CUEDC1: variants seen among roughly 807,000 people sequenced by gnomAD.
CUEDC1 encodes the protein CUE domain containing 1.
A neutral mutation model predicts 43.7 loss-of-function variants in CUEDC1; 30 were observed. That is an observed-to-expected ratio of 0.69 (90% confidence interval 0.51 to 0.93). CUEDC1 has a LOEUF of 0.93. Ranked by LOEUF, CUEDC1 falls within the 40% of genes least tolerant of loss-of-function variation. The pLI, the probability that CUEDC1 is intolerant of heterozygous loss-of-function variation, is 0.00. For synonymous variants in CUEDC1, 223 were observed against 223.6 expected, an observed-to-expected ratio of 1.00 and a Z score of 0.02; for missense variants, 486 against 549.0, an observed-to-expected ratio of 0.89 and a Z score of 1.15.
chr17:57,892,636 G>C (rs191324679), intron 1 of CUEDC1: 1 of 152,466 alleles, frequency 6.6e-6, no homozygotes, highest in Admixed American at 6.5e-5. Context: ...CAGCCCAGTG[G>C]CGCTGCCAAG....
intron 2 of CUEDC1, among the ~76,000 whole-genome samples, chr17:57,881,484 G>A (rs1385725181): frequency 6.6e-6 from 1 of 152,194 alleles, no homozygotes; most frequent in African/African-American, 2.4e-5. Flanking sequence ...GCAGGTACCT[G>A]GTGCATTCTG....
Position 57,866,493 on chromosome 17 carries a change from A to G in CUEDC1, c.1145T>C (p.Leu382Pro). Residue 382 changes from leucine (L) to proline (P), a missense_variant, in exon 10 of 11, where the codon CTG becomes CCG. Transcript: ENST00000577830. ...CCTTACCTCTTACTGTCCTTCTCGC[A>G]GGCCTTCCTCCACCTTGGGTGCCTC... is the stretch of plus-strand genomic sequence containing the variant. ...RQEAPKVEEG[L>P]REGQ 1.9e-6 allele frequency: 3 copies of G among 1,614,164 alleles called. No individual in the cohort carries two copies. Among genetic ancestry groups the G allele is most frequent in the Non-Finnish European group, 2.5e-6 (3 of 1,180,022 alleles).
chr17:57,890,276 G>A (rs982226785), intron 1 of CUEDC1, among the ~76,000 whole-genome samples: 1 of 152,180 alleles, frequency 6.6e-6, no homozygotes, highest in Admixed American at 6.5e-5. Flanking sequence ...CAGGAGACTG[G>A]GCACAGCCCA....
At chr17:57,926,857 T>C (rs566633329) in intron 1 of CUEDC1, among the ~76,000 whole-genome samples, 2 of 152,036 alleles carry the variant, frequency 1.3e-5, no homozygotes, top group African/African-American at 4.8e-5. Flanking sequence ...ACATAGGAAA[T>C]GGGGCTCAGC....
At chr17:57,934,549 C>T (rs1282068584) in intron 1 of CUEDC1, among the ~76,000 whole-genome samples, 11 of 129,340 alleles carry the variant, frequency 8.5e-5, no homozygotes, top group Admixed American at 1.6e-4. Flanking sequence ...ATAGCAAGAC[C>T]CTGTCTCTCT....
chr17:57,954,971 G>T lies in CUEDC1; in HGVS notation c.-316+254C>A, dbSNP rs1242159012. 6.6e-6 allele frequency among the ~76,000 whole-genome samples: 1 copy of T among 151,666 alleles called. No individual in the cohort carries two copies. The highest frequency in any genetic ancestry group is 1.5e-5 in the Non-Finnish European group (1 of 67,834). On this transcript the variant is annotated intron_variant, in intron 1 of 10. Coordinates refer to ENST00000577830, the MANE Select transcript of CUEDC1 (RefSeq NM_001271875.2). This position sits in a 1 kb window ranked among gnomAD's most constrained non-coding sequence, Gnocchi z 4.3. ...AGATGCCCGCACGCCCCCCGCGCCC[G>T]GGGCCCGGGATGAGGTGGGGGCTCG...
At chr17:57,946,388 A>G (rs1035179136) in intron 1 of CUEDC1, among the ~76,000 whole-genome samples, 1 of 152,190 alleles carries the variant, frequency 6.6e-6, no homozygotes, top group African/African-American at 2.4e-5. Context: ...AGAACCAGTC[A>G]GGGGAGGAAA....
intron 1 of CUEDC1, among the ~76,000 whole-genome samples, chr17:57,915,780 A>C (rs908214357): frequency 5.3e-5 from 8 of 152,158 alleles, no homozygotes; most frequent in African/African-American, 1.9e-4. Context: ...AAGGCTCCCT[A>C]ATAGGTTGTT....
At chr17:57,919,316 A>G (rs1296568360) in intron 1 of CUEDC1, among the ~76,000 whole-genome samples, 2 of 151,888 alleles carry the variant, frequency 1.3e-5, no homozygotes, top group Non-Finnish European at 2.9e-5. Flanking sequence ...AGTAGCTGGG[A>G]TTACAGGCAG....
chr17:57,896,409 C>T (rs1004052401), intron 1 of CUEDC1, among the ~76,000 whole-genome samples: 3 of 151,208 alleles, frequency 2.0e-5, no homozygotes, highest in African/African-American at 7.3e-5. Flanking sequence ...TTCAATATGT[C>T]TCTTTAGCCC....
intron 1 of CUEDC1, among the ~76,000 whole-genome samples, chr17:57,952,352 G>A (rs1415111062): frequency 1.3e-5 from 2 of 151,822 alleles, no homozygotes; most frequent in African/African-American, 4.8e-5. Flanking sequence ...TCAGTCTCCT[G>A]AGTAGCTGGG....
chr17:57,912,247 G>A (rs1277085841), intron 1 of CUEDC1: 2 of 152,230 alleles, frequency 1.3e-5, no homozygotes, highest in Non-Finnish European at 2.9e-5. Flanking sequence ...GTGAGGATTT[G>A]GCTGCCGGTC....
chr17:57,904,758 C>T (rs2074510272), intron 1 of CUEDC1, among the ~76,000 whole-genome samples: 1 of 152,124 alleles, frequency 6.6e-6, no homozygotes, highest in Admixed American at 6.5e-5. Flanking sequence ...GGGGGATCGC[C>T]CTACCGTAGG....
rs139729986 is a variant in CUEDC1, at chr17:57,925,016, G to A, written c.-316+30209C>T. Among the ~76,000 whole-genome samples the A allele has an allele frequency of 2.7e-3, 414 of 151,516 alleles. 3 individuals are homozygous for A. The highest frequency in any genetic ancestry group is 0.018 in the East Asian group (91 of 5,150). On this transcript the variant is annotated intron_variant, in intron 1 of 10. Coordinates refer to ENST00000577830, the MANE Select transcript of CUEDC1 (RefSeq NM_001271875.2). ...TTAAAAGAGTGTTTAAAACCACACC[G>A]TTCCATTAAAAATTCTCATTATGTA...
intron 1 of CUEDC1, among the ~76,000 whole-genome samples, chr17:57,891,948 A>T (rs1188351955): frequency 6.6e-6 from 1 of 152,238 alleles, no homozygotes; most frequent in African/African-American, 2.4e-5. Context: ...AGCTCCATGA[A>T]GGCAGGGGCT....
rs1406066967 is a variant in CUEDC1 at position 57,890,603 on chromosome 17, C to T, written c.-315-4724G>A. 2.6e-5 allele frequency among the ~76,000 whole-genome samples: 4 copies of T among 152,350 alleles called. No individual in the cohort carries two copies. In the East Asian group the frequency reaches 7.7e-4, roughly 29 times the overall value. On this transcript the variant is annotated intron_variant, in intron 1 of 10. Transcript: ENST00000577830. ...CCTCCAGGTCCCAGGAAGCCAGGAT[C>T]ACAGTGGCCCTCCACCTCCCCTGTG...
chr17:57,896,005 G>C (rs554060668), intron 1 of CUEDC1, among the ~76,000 whole-genome samples: 1 of 152,172 alleles, frequency 6.6e-6, no homozygotes, highest in Admixed American at 6.5e-5. Context: ...CTGGGTCCCC[G>C]GACAGGCAGC....
intron 1 of CUEDC1, among the ~76,000 whole-genome samples, chr17:57,886,702 A>G (rs887555193): frequency 6.6e-6 from 1 of 152,132 alleles, no homozygotes; most frequent in Non-Finnish European, 1.5e-5. Flanking sequence ...TTTTATTTAT[A>G]TCACAGACAC....
Position 57,887,500 on chromosome 17 carries a change from A to T in CUEDC1, c.-315-1621T>A, listed in dbSNP as rs1023139484. Among the ~76,000 whole-genome samples, 17 of 143,424 alleles carry T rather than the reference A, an allele frequency of 1.2e-4. No individual in the cohort carries two copies. In the South Asian group the frequency reaches 2.2e-3, roughly 19 times the overall value. The allele number at this position is 143,424 out of a possible 152,430, so 94.1% of individuals were successfully genotyped here. On this transcript the variant is annotated intron_variant, in intron 1 of 10. Coordinates refer to ENST00000577830, the MANE Select transcript of CUEDC1 (RefSeq NM_001271875.2). ...CACAATCTTAACAGCTGATACAGAA[A>T]TTTTTTTTTTTTTTTCGGTCTCACT...
Sources: gnomAD v4.1 joint callset for allele counts (sites outside exome capture counted in the v4.1 genomes callset) on GRCh38, gnomAD v4.1.1 for gene constraint, Gnocchi (gnomAD v3.1) non-coding constraint, MANE v1.5 for transcripts, NCBI Gene and HGNC (gene_info 2026-07-23, HGNC 2026-07-21) for gene names.